MICU1: variants seen among roughly 807,000 people sequenced by gnomAD.
MICU1 encodes the protein mitochondrial calcium uptake 1, also known as calcium uptake protein 1, mitochondrial.
Under a neutral mutation model 56.8 loss-of-function variants are expected in MICU1, and 45 were observed. The ratio of observed to expected loss-of-function variants is 0.79; its 90% confidence interval spans 0.62 to 1.02. The LOEUF (loss-of-function observed/expected upper bound fraction) is 1.02. Ranked by LOEUF, MICU1 falls within the 50% of genes least tolerant of loss-of-function variation. MICU1 has a pLI of 0.00. For missense variants in MICU1, 504 were observed against 587.1 expected (o/e 0.86, Z 1.46); for synonymous variants, 186 against 195.1 (o/e 0.95, Z 0.39).
intron 5 of MICU1, among the ~76,000 whole-genome samples, chr10:72,527,728 G>A (rs770212014): frequency 1.3e-5 from 2 of 152,116 alleles, no homozygotes; most frequent in Non-Finnish European, 2.9e-5. Flanking sequence ...GAGTAATTAT[G>A]TATAAGCCTG....
At chr10:72,566,046 T>TC (rs1840427866) in intron 2 of MICU1, among the ~76,000 whole-genome samples, 2 of 141,450 alleles carry the variant, frequency 1.4e-5, no homozygotes, top group African/African-American at 2.7e-5. Flanking sequence ...TTTCTTTTTT[T>TC]TTTTTTTTTT....
chr10:72,621,845 T>C lies in MICU1; in HGVS notation c.-2+4165A>G, dbSNP rs569634603. The stretch of plus-strand genomic sequence containing the variant: ...AAGTGATTATAATAGGCATTAAAAA[T>C]AGAAAAAAATCAACACATAAACTGT... On this transcript the variant is annotated intron_variant, in intron 1 of 11. Transcript: ENST00000361114. 3.3e-5 allele frequency among the ~76,000 whole-genome samples: 5 copies of C among 152,202 alleles called. 1 individual carries two copies. In the South Asian group the frequency reaches 1.0e-3, roughly 32 times the overall value.
intron 10 of MICU1, among the ~76,000 whole-genome samples, chr10:72,404,103 C>T (rs1457920394): frequency 2.6e-5 from 4 of 152,100 alleles, no homozygotes; most frequent in Non-Finnish European, 5.9e-5. Flanking sequence ...AATTCTCCTG[C>T]CTCAGCCTCC....
At chr10:72,526,557 A>G (rs1867968726) in intron 5 of MICU1, among the ~76,000 whole-genome samples, 1 of 152,188 alleles carries the variant, frequency 6.6e-6, no homozygotes, top group African/African-American at 2.4e-5. Flanking sequence ...CGGCCTCCCA[A>G]AGTGCTGGGA....
rs560593807 is a variant in MICU1 at position 72,589,537 on chromosome 10, A to G, written c.-1-22743T>C. ...ATTTGTTATGGAGTTAAACAAGTGC[A>G]TACGAAAAACAAACATGGAAAAATA... On this transcript the variant is annotated intron_variant, in intron 1 of 11. Transcript: ENST00000361114. Among the ~76,000 whole-genome samples the G allele has an allele frequency of 2.0e-5, 3 of 152,294 alleles. No homozygotes were observed. In the East Asian group the frequency reaches 5.8e-4, roughly 29 times the overall value.
At chr10:72,482,662 G>A (rs897265897) in intron 6 of MICU1, among the ~76,000 whole-genome samples, 1 of 151,766 alleles carries the variant, frequency 6.6e-6, no homozygotes, top group Admixed American at 6.6e-5. Flanking sequence ...ATCTTCTAGA[G>A]AAATAAATCT....
At chr10:72,509,415 C>T (rs1302153801) in intron 5 of MICU1, 1 of 1,329,544 alleles carries the variant, frequency 7.5e-7, no homozygotes, top group Non-Finnish European at 9.9e-7. Context: ...TAGTGGAGAT[C>T]CCATCATAAA....
intron 1 of MICU1, among the ~76,000 whole-genome samples, chr10:72,618,594 A>G (rs548828345): frequency 2.0e-5 from 3 of 152,376 alleles, no homozygotes; most frequent in African/African-American, 7.2e-5. Flanking sequence ...AAATCTGCTT[A>G]AAATTTTAAG....
chr10:72,517,415 A>G, intron 5 of MICU1, among the ~76,000 whole-genome samples: 1 of 110,486 alleles, frequency 9.1e-6, no homozygotes, highest in Admixed American at 8.5e-5. Flanking sequence ...ACTGTGGAAT[A>G]TGCATACGAT....
intron 10 of MICU1, among the ~76,000 whole-genome samples, chr10:72,403,411 C>G (rs903831784): frequency 1.3e-5 from 2 of 151,938 alleles, no homozygotes; most frequent in African/African-American, 4.8e-5. Context: ...GAGACAAGGT[C>G]TTGCTATGTT....
chr10:72,399,498 TAGTC>T (rs1474721515), intron 10 of MICU1, among the ~76,000 whole-genome samples: 1 of 152,104 alleles, frequency 6.6e-6, no homozygotes, highest in South Asian at 2.1e-4. Flanking sequence ...ATACAAAAAT[TAGTC>T]AGACATGTTG....
intron 3 of MICU1, among the ~76,000 whole-genome samples, chr10:72,554,260 A>G (rs1840105283): frequency 6.6e-6 from 1 of 152,218 alleles, no homozygotes; most frequent in Admixed American, 6.5e-5. Context: ...TCATTTTGCA[A>G]CTTCAATGAA....
intron 9 of MICU1, among the ~76,000 whole-genome samples, chr10:72,418,542 T>C (rs1480009337): frequency 6.6e-6 from 1 of 152,198 alleles, no homozygotes; most frequent in Non-Finnish European, 1.5e-5. Flanking sequence ...AAAAATACAG[T>C]ATCTAACAAG....
chr10:72,506,891 T>C (rs1470903214), intron 6 of MICU1, among the ~76,000 whole-genome samples: 2 of 152,206 alleles, frequency 1.3e-5, no homozygotes, highest in African/African-American at 4.8e-5. Context: ...TGTATTTTCA[T>C]TGCCAGGGTA....
chr10:72,606,181 C>T (rs1841686426), intron 1 of MICU1, among the ~76,000 whole-genome samples: 1 of 150,824 alleles, frequency 6.6e-6, no homozygotes, highest in Non-Finnish European at 1.5e-5. Context: ...CTATGTAAAC[C>T]TAAATCTCTT....
At chr10:72,520,738 G>A (rs1867792720) in intron 5 of MICU1, among the ~76,000 whole-genome samples, 1 of 152,120 alleles carries the variant, frequency 6.6e-6, no homozygotes, top group Admixed American at 6.6e-5. Flanking sequence ...AACAGTGGCA[G>A]ATGATTTGAT....
chr10:72,618,196 C>T (rs993076390), intron 1 of MICU1, among the ~76,000 whole-genome samples: 10 of 151,920 alleles, frequency 6.6e-5, no homozygotes, highest in Non-Finnish European at 1.0e-4. Context: ...ACCAGTTTGC[C>T]TAAGGTTATA....
chr10:72,396,335 A>G (rs1335666392), intron 10 of MICU1, among the ~76,000 whole-genome samples: 1 of 152,254 alleles, frequency 6.6e-6, no homozygotes, highest in Non-Finnish European at 1.5e-5. Flanking sequence ...GGGAGAAACC[A>G]GAGCAGAAAA....
At chr10:72,488,137 G>A (rs1339853056) in intron 6 of MICU1, among the ~76,000 whole-genome samples, 1 of 148,912 alleles carries the variant, frequency 6.7e-6, no homozygotes, top group African/African-American at 2.5e-5. Flanking sequence ...AGGTTGCGGT[G>A]AGCTGAGATT....
Sources: allele counts gnomAD v4.1 joint callset (sites outside exome capture counted in the v4.1 genomes callset), GRCh38; gene constraint gnomAD v4.1.1; transcripts MANE v1.5; gene names NCBI Gene and HGNC (gene_info 2026-07-23, HGNC 2026-07-21).